ANO10: variants seen among roughly 807,000 people sequenced by gnomAD.
The protein encoded by ANO10 is anoctamin-10.
A neutral mutation model predicts 74.7 loss-of-function variants in ANO10; 77 were observed. The observed-to-expected ratio is 1.03, with a 90% CI of 0.86 to 1.25. The LOEUF is 1.25. Ranked by LOEUF, ANO10 falls within the 50% of genes most tolerant of loss-of-function variation. ANO10 has a pLI of 0.00. For synonymous variants in ANO10, 279 were observed against 284.9 expected (o/e 0.98, Z 0.21); for missense variants, 721 against 778.1 (o/e 0.93, Z 0.87).
rs563914140 is a variant in ANO10 at position 43,581,182 on chromosome 3, T to C, written c.473-710A>G. On this transcript the variant is annotated intron_variant, in intron 4 of 12. Coordinates refer to ENST00000292246, the MANE Select transcript of ANO10 (RefSeq NM_018075.5). ...AAAATTTACCAATCTGTCCTTCCAC[T>C]ACAGTGAAGGTAAGAAAATGTTCAG... Among the ~76,000 whole-genome samples the C allele has an allele frequency of 2.2e-4, 33 of 152,362 alleles. No homozygotes were observed. In the East Asian group the frequency reaches 3.9e-3, roughly 18 times the overall value.
chr3:43,657,201 T>C (rs535246360), intron 1 of ANO10, among the ~76,000 whole-genome samples: 133 of 152,230 alleles, frequency 8.7e-4, no homozygotes, highest in Non-Finnish European at 1.7e-3. Context: ...TGTTTATTTG[T>C]TTTTGTAAGG....
At chr3:43,381,363 G>C (rs908494207) in intron 12 of ANO10, among the ~76,000 whole-genome samples, 1 of 152,084 alleles carries the variant, frequency 6.6e-6, no homozygotes, top group Admixed American at 6.6e-5. Context: ...TAAGGTAAAG[G>C]GGTGGAAAAA....
chr3:43,638,895 G>C (rs964763528), intron 1 of ANO10: 1 of 152,282 alleles, frequency 6.6e-6, no homozygotes, highest in Admixed American at 6.5e-5. Context: ...TAGCTGAGTG[G>C]TTCTGGCTCA....
At chr3:43,568,227 T>C (rs1172075512) in intron 7 of ANO10, among the ~76,000 whole-genome samples, 1 of 151,992 alleles carries the variant, frequency 6.6e-6, no homozygotes, top group Non-Finnish European at 1.5e-5. Context: ...CTCCCACACA[T>C]TAATAATGGG....
chr3:43,465,604 G>C (rs2075578333), intron 11 of ANO10, among the ~76,000 whole-genome samples: 1 of 152,126 alleles, frequency 6.6e-6, no homozygotes, highest in Non-Finnish European at 1.5e-5. Flanking sequence ...AGTGAGCTGA[G>C]ATCACACCAC....
At chr3:43,396,378 G>A (rs1382934707) in intron 12 of ANO10, among the ~76,000 whole-genome samples, 2 of 151,178 alleles carry the variant, frequency 1.3e-5, no homozygotes, top group East Asian at 1.9e-4. Flanking sequence ...TCGCTCTGTC[G>A]CCCAGGCTGG....
chr3:43,565,624 A>AT, intron 8 of ANO10, 29 bp downstream of exon 8: 1 of 1,529,940 alleles, frequency 6.5e-7, no homozygotes, highest in South Asian at 1.2e-5. Flanking sequence ...GACCTAAAAA[A>AT]TTGGTATTTT....
rs188447225 is a variant in ANO10 at position 43,547,043 on chromosome 3, A to T, written c.1797+2677T>A. 4.7e-4 allele frequency among the ~76,000 whole-genome samples: 72 copies of T among 152,314 alleles called. 2 individuals are homozygous for T. In the East Asian group the frequency reaches 0.011, roughly 24 times the overall value. ...ATACAGGGAAAAAAATCTTAAAAGC[A>T]GCCAGAGAAAAAAGGATCCATTAAC... On this transcript the variant is annotated intron_variant, in intron 11 of 12. Coordinates refer to ENST00000292246, the MANE Select transcript of ANO10 (RefSeq NM_018075.5).
rs567379743 is a variant in ANO10, at chr3:43,566,696, C to A, written c.1219-969G>T. Among the ~76,000 whole-genome samples, 62 of 152,314 alleles carry A rather than the reference C, an allele frequency of 4.1e-4. 1 individual carries two copies. The highest frequency in any genetic ancestry group is 7.9e-4 in the Non-Finnish European group (54 of 68,020). On this transcript the variant is annotated intron_variant, in intron 7 of 12. Coordinates refer to ENST00000292246, the MANE Select transcript of ANO10 (RefSeq NM_018075.5). ...CAAAAACCCATCTGTACATCACCAT[C>A]ATCAAAGACCAAAAGTAGATAAAAC...
chr3:43,643,187 A>T (rs978547390), intron 1 of ANO10, among the ~76,000 whole-genome samples: 2 of 151,682 alleles, frequency 1.3e-5, no homozygotes, highest in Non-Finnish European at 2.9e-5. Flanking sequence ...ACCCGCCACG[A>T]CGCCCGGCTA....
chr3:43,388,160 G>T (rs1222608253), intron 12 of ANO10, among the ~76,000 whole-genome samples: 1 of 152,100 alleles, frequency 6.6e-6, no homozygotes, highest in Admixed American at 6.5e-5. Context: ...GCAGAAATTG[G>T]GGCATTTGTG....
chr3:43,583,727 A>G (rs1185333877), intron 4 of ANO10, among the ~76,000 whole-genome samples: 1 of 152,222 alleles, frequency 6.6e-6, no homozygotes, highest in East Asian at 1.9e-4. Context: ...CACGATGAAG[A>G]CAGTCCCTGT....
At chr3:43,641,260 C>G (rs1290079005) in intron 1 of ANO10, among the ~76,000 whole-genome samples, 1 of 152,184 alleles carries the variant, frequency 6.6e-6, no homozygotes, top group Middle Eastern at 3.2e-3. Context: ...CCACTTCATG[C>G]TGTAATAAAC....
chr3:43,649,346 G>T (rs1472017747), intron 1 of ANO10, among the ~76,000 whole-genome samples: 3 of 152,180 alleles, frequency 2.0e-5, no homozygotes, highest in Non-Finnish European at 4.4e-5. Context: ...AGTACAAAAT[G>T]TAGCCTTAAA....
intron 1 of ANO10, among the ~76,000 whole-genome samples, chr3:43,679,728 C>A (rs2084169955): frequency 6.6e-6 from 1 of 152,186 alleles, no homozygotes. Flanking sequence ...GCCGGGTACT[C>A]CTCTGAGACA....
chr3:43,482,992 T>C (rs753494430), intron 11 of ANO10, among the ~76,000 whole-genome samples: 1 of 152,140 alleles, frequency 6.6e-6, no homozygotes, highest in Non-Finnish European at 1.5e-5. Context: ...AGGCCATGGA[T>C]CGTAAAGAAA....
chr3:43,405,803 A>T (rs1441177066), intron 12 of ANO10, among the ~76,000 whole-genome samples: 1 of 152,190 alleles, frequency 6.6e-6, no homozygotes, highest in African/African-American at 2.4e-5. Context: ...CTAAAATTTC[A>T]ACCTAAAATA....
chr3:43,552,276 TG>T lies in ANO10; in HGVS notation c.1669-2429del, dbSNP rs2079499283. Among the ~76,000 whole-genome samples the T allele has an allele frequency of 3.9e-5, 6 of 152,270 alleles. No homozygotes were observed. In the South Asian group the frequency reaches 1.2e-3, roughly 32 times the overall value. The stretch of plus-strand genomic sequence containing the variant: ...GACAGTGTATCTTGTCTACATAGGT[TG>T]GGTATAGTGGCTCATGCCTGTAATC... On this transcript the variant is annotated intron_variant, in intron 10 of 12. Transcript: ENST00000292246.
At chr3:43,578,258 G>A (rs1270654256) in intron 5 of ANO10, among the ~76,000 whole-genome samples, 3 of 152,022 alleles carry the variant, frequency 2.0e-5, no homozygotes, top group South Asian at 2.1e-4. Flanking sequence ...AAGAACATCC[G>A]ATCATTTCTT....
Sources: allele counts gnomAD v4.1 joint callset (sites outside exome capture counted in the v4.1 genomes callset), GRCh38; gene constraint gnomAD v4.1.1; transcripts MANE v1.5; gene names NCBI Gene and HGNC (gene_info 2026-07-23, HGNC 2026-07-21).